The following MTCL1 variants were observed in gnomAD, a reference collection of about 807,000 sequenced individuals.
MTCL1 encodes the protein microtubule cross-linking factor 1.
Under a neutral mutation model 141.4 loss-of-function variants are expected in MTCL1, and 79 were observed. That is an observed-to-expected ratio of 0.56 (90% CI 0.47 to 0.67). MTCL1 has a LOEUF of 0.67. Ranked by LOEUF, MTCL1 falls within the 30% of genes least tolerant of loss-of-function variation. MTCL1 has a pLI of 0.00. For missense variants in MTCL1, 2,177 were observed against 2,113.9 expected, an observed-to-expected ratio of 1.03 and a Z score of -0.59; for synonymous variants, 914 against 875.8, an observed-to-expected ratio of 1.04 and a Z score of -0.77.
intron 4 of MTCL1, among the ~76,000 whole-genome samples, chr18:8,754,990 G>T (rs932401591): frequency 6.6e-6 from 1 of 152,158 alleles, no homozygotes; most frequent in African/African-American, 2.4e-5. Flanking sequence ...TCCTGCAGGG[G>T]TTATCTTGAA....
chr18:8,832,377 G>C (rs2077212748), exon 17 of MTCL1: 1 of 156,064 alleles, frequency 6.4e-6, no homozygotes, highest in Admixed American at 6.2e-5. Context: ...GGGGATACAG[G>C]ATGATTTTGA....
At chr18:8,712,671 C>T (rs1405112673), upstream of MTCL1, among the ~76,000 whole-genome samples, 3 of 152,192 alleles carry the variant, frequency 2.0e-5, no homozygotes, top group South Asian at 2.1e-4. Flanking sequence ...ACAAGGGCTG[C>T]GGCCACCAGC....
exon 6 of MTCL1, chr18:8,784,668 T>G (rs1568029458): frequency 6.2e-7 from 1 of 1,614,134 alleles, no homozygotes. Context: ...AACGCCAAGA[T>G]GAAGGCTTTC....
intron 16 of MTCL1, chr18:8,829,703 A>G (rs2077135522): frequency 1.0e-6 from 1 of 985,208 alleles, no homozygotes; most frequent in Non-Finnish European, 1.2e-6. Context: ...AATACAACAG[A>G]TGTATCCCCA....
At chr18:8,809,760 C>A in intron 11 of MTCL1, 1 of 743,940 alleles carries the variant, frequency 1.3e-6, no homozygotes, top group Non-Finnish European at 2.1e-6. Flanking sequence ...GAGACAGGAA[C>A]GCAGAGAGAC....
intron 4 of MTCL1, among the ~76,000 whole-genome samples, chr18:8,741,233 A>G (rs945749179): frequency 6.6e-6 from 1 of 152,184 alleles, no homozygotes; most frequent in Admixed American, 6.5e-5. Flanking sequence ...ACCCTGGTTC[A>G]TTACAGTGTG....
At chr18:8,829,401 A>G in intron 16 of MTCL1, 1 of 985,136 alleles carries the variant, frequency 1.0e-6, no homozygotes, top group Non-Finnish European at 1.2e-6. Flanking sequence ...CTAATGTGAT[A>G]AGGCTTTTGT....
chr18:8,745,025 A>G (rs954473941), intron 4 of MTCL1, among the ~76,000 whole-genome samples: 13 of 152,218 alleles, frequency 8.5e-5, no homozygotes, highest in Admixed American at 2.0e-4. Flanking sequence ...ACAGCTGCCA[A>G]TGGAGGATCA....
rs1220187127 is a variant in MTCL1, at chr18:8,725,776, C to CTTTTTTTTTTTTTTT, written c.357+5293_357+5294insTTTTTTTTTTTTTTT. On this transcript the variant is annotated intron_variant, in intron 4 of 16. Coordinates refer to ENST00000359865, the Ensembl canonical transcript of MTCL1. ...GCGTTATGTATTTTGGTGCCATTTT[C>CTTTTTTTTTTTTTTT]TTTTTTTTTTTTTCTTTTTTTTTTT... 3.0e-4 allele frequency among the ~76,000 whole-genome samples: 33 copies of CTTTTTTTTTTTTTTT among 111,010 alleles called. 3 individuals are homozygous for CTTTTTTTTTTTTTTT. Among genetic ancestry groups the CTTTTTTTTTTTTTTT allele is most frequent in the African/African-American group, 5.9e-4 (16 of 27,050 alleles). The allele number at this position is 111,010 out of a possible 152,430, so 72.8% of individuals were successfully genotyped here. A position where few individuals can be genotyped will look rare whatever the true frequency, so the allele number is the denominator to read the frequency against.
At chr18:8,745,667 A>G (rs1295491683) in intron 4 of MTCL1, among the ~76,000 whole-genome samples, 1 of 152,144 alleles carries the variant, frequency 6.6e-6, no homozygotes, top group East Asian at 1.9e-4. Flanking sequence ...TGTTCCCAGG[A>G]GTAGATGTGC....
rs374501910 is a variant in MTCL1 at position 8,786,109 on chromosome 18, A to G, written c.1887+18A>G. The stretch of plus-strand genomic sequence containing the variant: ...GCCTGGAGGTCAGCGTGGGCAAGCA[A>G]TCCCCCCCCCCCGCCCTCCCCCTCC... On this transcript the variant is annotated intron_variant, in intron 7 of 16. Coordinates refer to ENST00000359865, the Ensembl canonical transcript of MTCL1. 72 of 1,342,510 alleles carry G rather than the reference A, an allele frequency of 5.4e-5. 1 individual carries two copies. The highest frequency in any genetic ancestry group is 6.4e-5 in the Non-Finnish European group (65 of 1,022,230). 83.2% of individuals were successfully genotyped at this position (1,342,510 alleles called of 1,614,324 possible).
intron 4 of MTCL1, among the ~76,000 whole-genome samples, chr18:8,768,789 CTT>C (rs773958752): frequency 6.8e-5 from 8 of 117,868 alleles, no homozygotes; most frequent in African/African-American, 1.1e-4. Context: ...CTTTTCTTCT[CTT>C]TTTTTTTTTT....
rs113092517 is a variant in MTCL1 at position 8,825,964 on chromosome 18, C to T, written c.4454C>T (p.Thr1485Ile). The T allele has an allele frequency of 2.4e-5, 38 of 1,598,120 alleles. No homozygotes were observed. In the African/African-American group the frequency reaches 2.5e-4, roughly 11 times the overall value. Residue 1485 changes from threonine (T) to isoleucine (I), a missense_variant, in exon 15 of 17, where the codon ACA becomes ATA. Thr to Ile is a moderately conservative substitution (Grantham distance 89, BLOSUM62 -1). Coordinates refer to ENST00000359865, the Ensembl canonical transcript of MTCL1. The stretch of plus-strand genomic sequence containing the variant: ...CCAGAGCTGGGCCCAGGCCAGGAAA[C>T]AGGCACCAATTCCCGAGGAAGGTCG...
intron 1 of MTCL1, among the ~76,000 whole-genome samples, chr18:8,708,381 G>A (rs755518596): frequency 6.6e-5 from 10 of 152,176 alleles, no homozygotes; most frequent in Non-Finnish European, 1.3e-4. Context: ...TGAATGAAAT[G>A]TGTCTGAGCC....
chr18:8,831,859 C>A, exon 17 of MTCL1: 1 of 1,532,538 alleles, frequency 6.5e-7, no homozygotes, highest in South Asian at 1.2e-5. Flanking sequence ...ACCACACCAT[C>A]ACCATGAACA....
intron 4 of MTCL1, among the ~76,000 whole-genome samples, chr18:8,768,587 T>C (rs531985519): frequency 5.1e-4 from 77 of 152,320 alleles, no homozygotes; most frequent in Middle Eastern, 3.4e-3. Flanking sequence ...GAAAAACTGA[T>C]GATGGGTTTT....
At chr18:8,765,565 C>T (rs912983215) in intron 4 of MTCL1, among the ~76,000 whole-genome samples, 13 of 152,274 alleles carry the variant, frequency 8.5e-5, no homozygotes, top group East Asian at 1.9e-4. Flanking sequence ...TCACACTGCC[C>T]GTCCTCGGGA....
At chr18:8,717,922 G>A in exon 2 of MTCL1, 3 of 996,654 alleles carry the variant, frequency 3.0e-6, no homozygotes, top group Non-Finnish European at 3.6e-6. Flanking sequence ...AGTCAATGCT[G>A]AGATGCGTCT....
intron 4 of MTCL1, among the ~76,000 whole-genome samples, chr18:8,760,456 G>A (rs7235979): frequency 0.12 from 18,936 of 152,244 alleles, 2,680 homozygotes; most frequent in African/African-American, 0.34. Flanking sequence ...ATTCTCTAGG[G>A]CAGTGCCTTG....
Sources: allele counts gnomAD v4.1 joint callset (sites outside exome capture counted in the v4.1 genomes callset), GRCh38; gene constraint gnomAD v4.1.1; transcripts MANE v1.5; gene names NCBI Gene and HGNC (gene_info 2026-07-23, HGNC 2026-07-21).